EBPL: variants seen among roughly 807,000 people sequenced by gnomAD.
EBPL encodes the protein emopamil-binding protein-like.
In EBPL, 20 loss-of-function variants were observed where a neutral mutation model predicts 19.0. That is an observed-to-expected ratio of 1.05 (90% confidence interval 0.74 to 1.53). The LOEUF is 1.53. Ranked by LOEUF, EBPL falls within the 40% of genes most tolerant of loss-of-function variation. EBPL has a pLI of 0.00. For missense variants in EBPL, 219 were observed against 261.1 expected, an observed-to-expected ratio of 0.84 and a Z score of 1.11; for synonymous variants, 107 against 117.0, an observed-to-expected ratio of 0.91 and a Z score of 0.55.
At chr13:49,662,294 T>A (rs1426239769) in intron 3 of EBPL, among the ~76,000 whole-genome samples, 1 of 151,886 alleles carries the variant, frequency 6.6e-6, no homozygotes, top group African/African-American at 2.4e-5. Flanking sequence ...CCGCACCTGG[T>A]CTCTCTGCAC....
intron 2 of EBPL, among the ~76,000 whole-genome samples, chr13:49,664,927 T>G (rs9562909): frequency 0.15 from 22,454 of 151,974 alleles, 2,167 homozygotes; most frequent in East Asian, 0.5. Flanking sequence ...CTTAGCTGAC[T>G]GTCTGCAGTC....
At chr13:49,663,587 A>C (rs1426776855) in intron 2 of EBPL, among the ~76,000 whole-genome samples, 2 of 152,192 alleles carry the variant, frequency 1.3e-5, no homozygotes, top group African/African-American at 4.8e-5. Flanking sequence ...TTTCCATATA[A>C]ATTCTGTAAG....
intron 1 of EBPL, among the ~76,000 whole-genome samples, chr13:49,689,296 C>T (rs936144328): frequency 3.9e-5 from 6 of 152,136 alleles, no homozygotes; most frequent in African/African-American, 1.4e-4. Flanking sequence ...GGTGAACACA[C>T]GCATATAGTT....
At chr13:49,668,657 G>A in intron 2 of EBPL, 2 of 380,032 alleles carry the variant, frequency 5.3e-6, no homozygotes, top group Non-Finnish European at 5.0e-6. Context: ...GAGAAAGGCA[G>A]TTTTATAAAG....
intron 1 of EBPL, among the ~76,000 whole-genome samples, chr13:49,682,374 G>A (rs2137507004): frequency 6.6e-6 from 1 of 152,324 alleles, no homozygotes; most frequent in South Asian, 2.1e-4. Context: ...AACCTTCCAA[G>A]GCTCATCTTA....
intron 2 of EBPL, chr13:49,668,234 C>G (rs1348106916): frequency 2.4e-5 from 4 of 167,916 alleles, no homozygotes; most frequent in Admixed American, 6.1e-5. Flanking sequence ...AAACAGGAGT[C>G]CCCCACACAG....
Position 49,663,213 on chromosome 13 carries a change from G to A in EBPL, c.242-18C>T. The A allele has an allele frequency of 6.2e-7, 1 of 1,611,276 alleles. No individual in the cohort carries two copies. Among genetic ancestry groups the A allele is most frequent in the Non-Finnish European group, 8.5e-7 (1 of 1,177,638 alleles). Reference sequence around the variant, plus strand: ...TTCTTTCCCTAAAGACAAAATCCATGTTGTTACTCAAATGGCAACAATTTT... The same window carrying A: ...TTCTTTCCCTAAAGACAAAATCCATATTGTTACTCAAATGGCAACAATTTT... On this transcript the variant is annotated intron_variant, in intron 2 of 3. Transcript: ENST00000242827.
intron 1 of EBPL, among the ~76,000 whole-genome samples, chr13:49,679,895 A>G (rs199847527): frequency 2.6e-5 from 4 of 151,998 alleles, no homozygotes; most frequent in African/African-American, 9.7e-5. Context: ...ATATATATAT[A>G]TTAGTCAATA....
chr13:49,678,601 G>A (rs1053431688), intron 1 of EBPL, among the ~76,000 whole-genome samples: 3 of 152,098 alleles, frequency 2.0e-5, no homozygotes, highest in African/African-American at 7.2e-5. Flanking sequence ...CCAAGCCAGC[G>A]CCCACCCAGA....
At chr13:49,673,644 C>T (rs1230082131) in intron 1 of EBPL, among the ~76,000 whole-genome samples, 2 of 152,144 alleles carry the variant, frequency 1.3e-5, no homozygotes, top group Non-Finnish European at 2.9e-5. Flanking sequence ...ACCATGTTGG[C>T]CAGGCTGGTC....
chr13:49,664,094 A>G (rs1965190826), intron 2 of EBPL, among the ~76,000 whole-genome samples: 1 of 152,094 alleles, frequency 6.6e-6, no homozygotes, highest in African/African-American at 2.4e-5. Flanking sequence ...TCTACTAAAA[A>G]TACAAAAAGT....
chr13:49,681,378 C>T (rs1953941323), intron 1 of EBPL, among the ~76,000 whole-genome samples: 1 of 152,130 alleles, frequency 6.6e-6, no homozygotes, highest in Non-Finnish European at 1.5e-5. Context: ...ACAACCTCTG[C>T]CTCCCAGGTT....
intron 2 of EBPL, among the ~76,000 whole-genome samples, chr13:49,669,174 C>T (rs571736498): frequency 4.6e-5 from 7 of 152,086 alleles, no homozygotes; most frequent in South Asian, 2.1e-4. Flanking sequence ...CCACCATGCC[C>T]GGCCATTCAC....
chr13:49,661,252 C>T (rs550099444), intron 3 of EBPL, 44 bp from the exon 4 acceptor site: 1 of 1,504,474 alleles, frequency 6.6e-7, no homozygotes, highest in African/African-American at 1.4e-5. Context: ...CAGCTTGGCA[C>T]AGTTTGGCAT....
In EBPL at chr13:49,687,457, C is replaced by G. The variant is rs536683882; in HGVS notation, c.171+3797G>C. Among the ~76,000 whole-genome samples the G allele has an allele frequency of 2.0e-5, 3 of 152,288 alleles. No individual in the cohort carries two copies. The South Asian group carries it at 6.2e-4, about 32-fold the overall frequency. On this transcript the variant is annotated intron_variant, in intron 1 of 3. Transcript: ENST00000242827. The stretch of plus-strand genomic sequence containing the variant: ...TTGAGAGACAATTCTCCATGAATAT[C>G]TCACATCCTGCACTGTCTGGGTCTC...
chr13:49,674,389 C>A lies in EBPL; in HGVS notation c.172-4543G>T, dbSNP rs538145952. Reference sequence around the variant, plus strand: ...AAAGTGCTGGGATTACAAGTGTGAGCCACTGCACCTGGCTGAAAATAATTT... The same window carrying A: ...AAAGTGCTGGGATTACAAGTGTGAGACACTGCACCTGGCTGAAAATAATTT... On this transcript the variant is annotated intron_variant, in intron 1 of 3. Coordinates refer to ENST00000242827, the MANE Select transcript of EBPL (RefSeq NM_032565.5). 6.6e-5 allele frequency among the ~76,000 whole-genome samples: 10 copies of A among 152,276 alleles called. No individual in the cohort carries two copies. In the East Asian group the frequency reaches 9.6e-4, roughly 15 times the overall value.
chr13:49,686,584 T>C, intron 1 of EBPL: 1 of 1,289,698 alleles, frequency 7.8e-7, no homozygotes, highest in Non-Finnish European at 1.0e-6. Flanking sequence ...TCGTGGTCTT[T>C]CCCACTCTCT....
chr13:49,673,931 T>G (rs1347043770), intron 1 of EBPL, among the ~76,000 whole-genome samples: 1 of 143,354 alleles, frequency 7.0e-6, no homozygotes, highest in African/African-American at 2.5e-5. Context: ...TATATGAATC[T>G]ACCCAGTTGA....
At position 49,691,324 on chromosome 13, in the gene EBPL, C is replaced by CGGCCCAGGCGCA. The variant is rs751480817; in HGVS notation, c.89_100dup (p.Leu30_Gly33dup). On this transcript the variant is annotated inframe_insertion, in exon 1 of 4. Transcript: ENST00000242827. ...CCCGCGGTCCGCCGCCCCCTGCCCGCGGCCCAGGCGCAGGCCCAGGGCGCA... is the reference window on the plus strand; with the variant it reads ...CCCGCGGTCCGCCGCCCCCTGCCCGCGGCCCAGGCGCAGGCCCAGGCGCAGGCCCAGGGCGCA... 4.0e-5 allele frequency: 54 copies of CGGCCCAGGCGCA among 1,360,524 alleles called. No homozygotes were observed. Among genetic ancestry groups the CGGCCCAGGCGCA allele is most frequent in the East Asian group, 2.8e-4 (9 of 32,590 alleles). 84.3% of individuals were successfully genotyped at this position (1,360,524 alleles called of 1,614,324 possible).
Sources: allele counts gnomAD v4.1 joint callset (sites outside exome capture counted in the v4.1 genomes callset), GRCh38; gene constraint gnomAD v4.1.1; transcripts MANE v1.5; gene names NCBI Gene and HGNC (gene_info 2026-07-23, HGNC 2026-07-21).